Variants in ASTN2 observed in about 807,000 individuals in gnomAD.
The protein encoded by ASTN2 is astrotactin-2.
ASTN2 carries 54 observed loss-of-function variants against 139.8 expected under a neutral mutation model. The observed-to-expected ratio is 0.39, with a 90% CI of 0.31 to 0.48. ASTN2 has a LOEUF of 0.48. ASTN2 is among the 20% of genes least tolerant of loss of function. ASTN2 has a pLI of 0.95. For missense variants in ASTN2, 1,565 were observed against 1,725.1 expected (o/e 0.91, Z 1.64); for synonymous variants, 756 against 719.5 (o/e 1.05, Z -0.81).
At chr9:117,245,494 G>A (rs1564501605) in intron 2 of ASTN2, among the ~76,000 whole-genome samples, 1 of 152,100 alleles carries the variant, frequency 6.6e-6, no homozygotes, top group Non-Finnish European at 1.5e-5. Context: ...CCTCAATTGT[G>A]TGTTTGGATC....
At chr9:116,795,849 A>C (rs1012938197) in intron 13 of ASTN2, among the ~76,000 whole-genome samples, 1 of 152,208 alleles carries the variant, frequency 6.6e-6, no homozygotes, top group Non-Finnish European at 1.5e-5. Context: ...AAAGCTCTTC[A>C]GGGTTATTTT....
intron 3 of ASTN2, among the ~76,000 whole-genome samples, 174 bp from the exon 4 acceptor site, chr9:117,141,652 T>C (rs1348520047): frequency 2.0e-5 from 3 of 152,200 alleles, no homozygotes; most frequent in South Asian, 4.1e-4. Flanking sequence ...ATCAAAACCT[T>C]GCAGTCTAAC....
At chr9:117,029,218 C>T (rs532207359) in intron 6 of ASTN2, among the ~76,000 whole-genome samples, 3 of 152,244 alleles carry the variant, frequency 2.0e-5, no homozygotes, top group Middle Eastern at 3.4e-3. Context: ...CAAGGTAATA[C>T]CTTGCAAAGT....
At chr9:116,546,355 G>A (rs1852091010) in intron 19 of ASTN2, among the ~76,000 whole-genome samples, 1 of 152,128 alleles carries the variant, frequency 6.6e-6, no homozygotes, top group Non-Finnish European at 1.5e-5. Flanking sequence ...AGGGTAGGAG[G>A]GACATTGTCC....
At chr9:116,771,495 C>T (rs116838778) in intron 13 of ASTN2, among the ~76,000 whole-genome samples, 1 of 152,070 alleles carries the variant, frequency 6.6e-6, no homozygotes. Context: ...CCCATAAGTA[C>T]CAAGAGGGTA....
intron 1 of ASTN2, among the ~76,000 whole-genome samples, chr9:117,330,555 T>A (rs1828672236): frequency 6.6e-6 from 1 of 152,154 alleles, no homozygotes; most frequent in Admixed American, 6.5e-5. Flanking sequence ...TGACCATTGG[T>A]GTGAGACCCT....
intron 10 of ASTN2, among the ~76,000 whole-genome samples, chr9:116,914,455 T>C (rs1834389644): frequency 1.3e-5 from 2 of 152,122 alleles, no homozygotes; most frequent in African/African-American, 4.8e-5. Flanking sequence ...CCAGTCCTTG[T>C]TGACTGAGTA....
chr9:116,946,001 G>A (rs1376766658), intron 10 of ASTN2, among the ~76,000 whole-genome samples: 1 of 152,212 alleles, frequency 6.6e-6, no homozygotes, highest in East Asian at 1.9e-4. Context: ...TTCGCATGGT[G>A]GTAGGAGAGA....
At chr9:117,123,963 C>T (rs970006970) in intron 4 of ASTN2, among the ~76,000 whole-genome samples, 1 of 152,196 alleles carries the variant, frequency 6.6e-6, no homozygotes, top group Non-Finnish European at 1.5e-5. Flanking sequence ...AGTTAACTCA[C>T]ATGCCTGGCA....
intron 3 of ASTN2, among the ~76,000 whole-genome samples, chr9:117,186,467 G>A (rs990934056): frequency 6.6e-6 from 1 of 152,020 alleles, no homozygotes; most frequent in Non-Finnish European, 1.5e-5. Flanking sequence ...GAATGGTGCG[G>A]GCCTGGGAGG....
chr9:117,232,745 T>C (rs979385415), intron 2 of ASTN2, among the ~76,000 whole-genome samples: 2 of 152,226 alleles, frequency 1.3e-5, no homozygotes, highest in Non-Finnish European at 2.9e-5. Flanking sequence ...TATTATTACA[T>C]TCACCAGAAA....
At chr9:116,466,141 G>A (rs1848641836) in intron 20 of ASTN2, among the ~76,000 whole-genome samples, 1 of 152,162 alleles carries the variant, frequency 6.6e-6, no homozygotes, top group South Asian at 2.1e-4. Flanking sequence ...TGGGAAGCGG[G>A]CTTTTGAATC....
intron 10 of ASTN2, among the ~76,000 whole-genome samples, chr9:116,970,167 C>G (rs913415254): frequency 6.6e-6 from 1 of 152,118 alleles, no homozygotes; most frequent in Non-Finnish European, 1.5e-5. Flanking sequence ...CCAGATAATT[C>G]AGAATAATCA....
At chr9:116,669,920 T>C (rs926997352) in intron 16 of ASTN2, among the ~76,000 whole-genome samples, 1 of 152,108 alleles carries the variant, frequency 6.6e-6, no homozygotes, top group African/African-American at 2.4e-5. Context: ...ATTCTCTGCC[T>C]CAGCCTCCCA....
At chr9:116,822,042 C>G (rs1340960896) in intron 11 of ASTN2, among the ~76,000 whole-genome samples, 1 of 152,062 alleles carries the variant, frequency 6.6e-6, no homozygotes, top group Non-Finnish European at 1.5e-5. Flanking sequence ...GCCCAGCCTT[C>G]CTCATCCATC....
intron 13 of ASTN2, among the ~76,000 whole-genome samples, chr9:116,793,357 G>A (rs996749869): frequency 2.6e-5 from 4 of 152,106 alleles, no homozygotes; most frequent in Admixed American, 2.6e-4. Flanking sequence ...CAGGAACGGG[G>A]GACACAGCAA....
intron 1 of ASTN2, among the ~76,000 whole-genome samples, chr9:117,410,246 C>A (rs1401779090): frequency 6.6e-6 from 1 of 152,312 alleles, no homozygotes; most frequent in East Asian, 1.9e-4. Flanking sequence ...CATTTCCCTA[C>A]CTGTGGGCAT....
chr9:116,606,076 T>C (rs1399068473), intron 19 of ASTN2, among the ~76,000 whole-genome samples: 1 of 152,132 alleles, frequency 6.6e-6, no homozygotes, highest in African/African-American at 2.4e-5. Flanking sequence ...CCCAAGAGGC[T>C]GAAACCCATG....
chr9:116,854,208 AT>A (rs1354235385), intron 11 of ASTN2, among the ~76,000 whole-genome samples: 2 of 152,166 alleles, frequency 1.3e-5, no homozygotes, highest in African/African-American at 4.8e-5. Context: ...CATTCAAACA[AT>A]TTTAGCTCTC....
Sources: gnomAD v4.1 joint callset for allele counts (sites outside exome capture counted in the v4.1 genomes callset) on GRCh38, gnomAD v4.1.1 for gene constraint, MANE v1.5 for transcripts, NCBI Gene and HGNC (gene_info 2026-07-23, HGNC 2026-07-21) for gene names.